Variants in C2orf42 observed in about 807,000 individuals in gnomAD.
C2orf42 encodes the protein uncharacterized protein C2orf42.
In C2orf42, 44 loss-of-function variants were observed where a neutral mutation model predicts 58.9. That is an observed-to-expected ratio of 0.75 (90% CI 0.59 to 0.96). The LOEUF is 0.96. Among genes scored for constraint, C2orf42 ranks in the 40% least tolerant of loss-of-function variants. The pLI is 0.00. For synonymous variants in C2orf42, 239 were observed against 265.4 expected (o/e 0.90, Z 0.97); for missense variants, 630 against 699.2 (o/e 0.90, Z 1.12).
Position 70,150,201 on chromosome 2 carries a change from C to T in C2orf42, c.*155G>A. On this transcript the variant is annotated 3_prime_UTR_variant, in exon 10 of 10. Transcript: ENST00000264434. ...AAGGCTATTTACAAGAGATTTTCTT[C>T]AACAGAATCCACTTGAAAGCACTGA... The T allele has an allele frequency of 3.1e-6, 2 of 641,148 alleles. No homozygotes were observed. The highest frequency in any genetic ancestry group is 3.8e-5 in the South Asian group (2 of 53,288). 39.7% of individuals were successfully genotyped at this position (641,148 alleles called of 1,614,324 possible).
At chr2:70,179,208 A>G (rs1674387671) in intron 4 of C2orf42, among the ~76,000 whole-genome samples, 1 of 152,126 alleles carries the variant, frequency 6.6e-6, no homozygotes, top group Non-Finnish European at 1.5e-5. Flanking sequence ...TTTTAGCTTA[A>G]CTTGAAAAAG....
chr2:70,182,107 T>TA (rs1057020320), intron 2 of C2orf42, 110 bp from the exon 3 acceptor site: 2 of 243,938 alleles, frequency 8.2e-6, no homozygotes, highest in African/African-American at 4.8e-5. Context: ...CTATCTACTA[T>TA]TTTTTTTTTT....
chr2:70,166,715 G>A (rs947040563), intron 6 of C2orf42, among the ~76,000 whole-genome samples: 2 of 151,860 alleles, frequency 1.3e-5, no homozygotes, highest in Admixed American at 1.3e-4. Flanking sequence ...AACCAACACA[G>A]TAGACCCTTG....
At chr2:70,156,138 A>G (rs1294380915) in intron 9 of C2orf42, among the ~76,000 whole-genome samples, 2 of 152,134 alleles carry the variant, frequency 1.3e-5, no homozygotes, top group African/African-American at 4.8e-5. Flanking sequence ...CTAGGCAATA[A>G]GAGTGAAACT....
chr2:70,153,471 G>A (rs921332867), intron 9 of C2orf42, among the ~76,000 whole-genome samples: 20 of 148,978 alleles, frequency 1.3e-4, no homozygotes, highest in African/African-American at 5.0e-4. Flanking sequence ...CCATTCTCCT[G>A]CCTCAGCCTC....
chr2:70,151,317 C>CA (rs940291779), intron 9 of C2orf42, among the ~76,000 whole-genome samples: 4 of 151,714 alleles, frequency 2.6e-5, no homozygotes, highest in South Asian at 2.1e-4. Flanking sequence ...GACTTTGTCT[C>CA]AAAAAAACAA....
intron 6 of C2orf42, among the ~76,000 whole-genome samples, chr2:70,169,280 C>T (rs1235334774): frequency 6.6e-6 from 1 of 151,496 alleles, no homozygotes; most frequent in South Asian, 2.1e-4. Context: ...CACACACACA[C>T]ACGTGCACAC....
chr2:70,185,606 G>T (rs1424037815), intron 1 of C2orf42, among the ~76,000 whole-genome samples: 3 of 151,776 alleles, frequency 2.0e-5, no homozygotes, highest in Non-Finnish European at 2.9e-5. Context: ...AGCTACTCAG[G>T]AGGCTGAGGC....
At chr2:70,154,806 A>T (rs1012078792) in intron 9 of C2orf42, among the ~76,000 whole-genome samples, 1 of 152,084 alleles carries the variant, frequency 6.6e-6, no homozygotes, top group African/African-American at 2.4e-5. Flanking sequence ...CCTAGGCTGG[A>T]GCGTAGTGAC....
At chr2:70,152,285 G>A (rs1301375533) in intron 9 of C2orf42, among the ~76,000 whole-genome samples, 1 of 152,154 alleles carries the variant, frequency 6.6e-6, no homozygotes, top group Admixed American at 6.5e-5. Flanking sequence ...GTTTCTTTTA[G>A]TCATAGAATA....
intron 5 of C2orf42, among the ~76,000 whole-genome samples, chr2:70,175,321 C>A: frequency 6.6e-6 from 1 of 152,160 alleles, no homozygotes; most frequent in Non-Finnish European, 1.5e-5. Context: ...CCTCTCACCC[C>A]CTTCCACCTT....
At chr2:70,174,975 C>A (rs551594525) in intron 5 of C2orf42, among the ~76,000 whole-genome samples, 35 of 151,930 alleles carry the variant, frequency 2.3e-4, no homozygotes, top group African/African-American at 8.2e-4. Flanking sequence ...TCAGCCCCAA[C>A]CCCCTCTTTA....
Position 70,181,828 on chromosome 2 carries a change from T to A in C2orf42, c.158A>T (p.Tyr53Phe). Residue 53 changes from tyrosine (Y) to phenylalanine (F), a missense_variant, in exon 3 of 10, where the codon TAC (tyrosine) becomes TTC (phenylalanine). By Grantham distance (22) the Tyr-to-Phe change is conservative (BLOSUM62 3). Coordinates refer to ENST00000264434, the MANE Select transcript of C2orf42 (RefSeq NM_017880.3). ...KNKTCGTIFR[Y>F]GARKQPSVEA... is the part of the protein sequence containing the mutation. ...AACACTAGGCTGCTTGCGTGCACCG[T>A]AGCGGAATATGGTTCCACATGTCTT... 2 of 1,614,164 alleles carry A rather than the reference T, an allele frequency of 1.2e-6. No homozygotes were observed. The highest frequency in any genetic ancestry group is 2.2e-5 in the South Asian group (2 of 91,078).
In C2orf42 at chr2:70,165,579, G is replaced by A. The variant is rs905184049; in HGVS notation, c.1201C>T (p.Gln401Ter). 1 of 1,582,886 alleles carries A rather than the reference G, an allele frequency of 6.3e-7. No individual in the cohort carries two copies. The highest frequency in any genetic ancestry group is 1.7e-4 in the Middle Eastern group (1 of 5,934). Residue 401 changes from glutamine to a stop codon, truncating the protein, a stop_gained, in exon 7 of 10, where the codon CAA becomes TAA. Coordinates refer to ENST00000264434, the MANE Select transcript of C2orf42 (RefSeq NM_017880.3). LOFTEE classifies it high-confidence loss of function. ...TTTGCACTTCCTATAGATATTCTTT[G>A]TTGCAGGGCATCAAAAAATGACTGA... Reference protein sequence around the residue: ...IPQSFFDALQQRISIGSAKKR... With the variant: ...IPQSFFDALQ
In C2orf42 at chr2:70,165,102, T is replaced by C; in HGVS notation, c.1343A>G (p.Asp448Gly). ...GAAATAAACTCTCACCTCTGGGGTA[T>C]CTAAGATTTGTTTAACTTGCAGGAT... ...TNILQVKQIL[D>G]TPEMPLEITR... The change falls in exon 8 of 10, where the codon GAT becomes GGT. Residue 448 changes from aspartate to glycine, a missense_variant. Coordinates refer to ENST00000264434, the MANE Select transcript of C2orf42 (RefSeq NM_017880.3). 6.3e-7 allele frequency: 1 copy of C among 1,578,240 alleles called. No homozygotes were observed. The highest frequency in any genetic ancestry group is 8.7e-7 in the Non-Finnish European group (1 of 1,150,218).
intron 4 of C2orf42, among the ~76,000 whole-genome samples, chr2:70,178,242 G>A (rs1414928564): frequency 6.6e-6 from 1 of 152,060 alleles, no homozygotes; most frequent in African/African-American, 2.4e-5. Flanking sequence ...TTACCTACTA[G>A]GATACTTCAC....
chr2:70,151,313 G>A (rs1424602737), intron 9 of C2orf42, among the ~76,000 whole-genome samples: 2 of 152,198 alleles, frequency 1.3e-5, no homozygotes, highest in South Asian at 2.1e-4. Context: ...GTGAGACTTT[G>A]TCTCAAAAAA....
intron 2 of C2orf42, 26 bp from the exon 3 acceptor site, chr2:70,182,023 T>A (rs963873303): frequency 9.6e-7 from 1 of 1,043,502 alleles, no homozygotes; most frequent in Non-Finnish European, 1.5e-6. Context: ...CATCCAACAG[T>A]ATGAGTATAC....
Position 70,181,339 on chromosome 2 carries a change from C to A in C2orf42, c.647G>T (p.Ser216Ile). 6.2e-7 allele frequency: 1 copy of A among 1,614,088 alleles called. No homozygotes were observed. Among genetic ancestry groups the A allele is most frequent in the East Asian group, 2.2e-5 (1 of 44,884 alleles). Reference protein sequence around the residue: ...TSFVQKVSGKSLPERRFFCSC... With the variant: ...TSFVQKVSGKILPERRFFCSC... ...GCAGAAGAAGCGGCGCTCAGGCAAGCTTTTGCCACTGACTTTCTGCACAAA... is the reference window on the plus strand; with the variant it reads ...GCAGAAGAAGCGGCGCTCAGGCAAGATTTTGCCACTGACTTTCTGCACAAA... The change falls in exon 3 of 10, where the codon AGC (serine) becomes ATC (isoleucine). Residue 216 changes from serine (S) to isoleucine (I), a missense_variant. Physicochemically the swap from Ser to Ile is moderately radical, Grantham distance 142. Transcript: ENST00000264434.
Sources: gnomAD v4.1 joint callset for allele counts (sites outside exome capture counted in the v4.1 genomes callset) on GRCh38, gnomAD v4.1.1 for gene constraint, MANE v1.5 for transcripts, NCBI Gene and HGNC (gene_info 2026-07-23, HGNC 2026-07-21) for gene names.